The following TSPAN2 variants were observed in gnomAD, a reference collection of about 807,000 sequenced individuals.
TSPAN2 encodes tetraspanin-2.
Under a neutral mutation model 33.3 loss-of-function variants are expected in TSPAN2, and 24 were observed. The observed-to-expected ratio is 0.72, with a 90% CI of 0.52 to 1.01. The LOEUF is 1.01. TSPAN2 is among the 50% of genes least tolerant of loss of function. TSPAN2 has a pLI of 0.00. For missense variants in TSPAN2, 278 were observed against 281.3 expected, an observed-to-expected ratio of 0.99 and a Z score of 0.08; for synonymous variants, 114 against 104.5, an observed-to-expected ratio of 1.09 and a Z score of -0.56.
intron 6 of TSPAN2, among the ~76,000 whole-genome samples, chr1:115,054,370 T>C (rs1416170858): frequency 6.6e-6 from 1 of 152,206 alleles, no homozygotes; most frequent in Non-Finnish European, 1.5e-5. Flanking sequence ...CATTAGTCAC[T>C]GGAAGAGGGG....
In TSPAN2 at chr1:115,081,159, A is replaced by G. The variant is rs142167404; in HGVS notation, c.70-8152T>C. 1.4e-4 allele frequency among the ~76,000 whole-genome samples: 21 copies of G among 152,358 alleles called. No homozygotes were observed. In the East Asian group the frequency reaches 4.1e-3, roughly 29 times the overall value. On this transcript the variant is annotated intron_variant, in intron 1 of 7. Coordinates refer to ENST00000369516, the MANE Select transcript of TSPAN2 (RefSeq NM_005725.6). ...AATCTAGCAGAAATTGTGAAAGTCTAGCTTGGTGCTCTATAGAGATTTTTC... is the reference window on the plus strand; with the variant it reads ...AATCTAGCAGAAATTGTGAAAGTCTGGCTTGGTGCTCTATAGAGATTTTTC...
intron 7 of TSPAN2, among the ~76,000 whole-genome samples, chr1:115,052,270 G>T (rs140690982): frequency 3.3e-5 from 5 of 152,296 alleles, no homozygotes; most frequent in Middle Eastern, 3.4e-3. Context: ...GAAGGCGCTT[G>T]TGTGTCCCCT....
intron 2 of TSPAN2, among the ~76,000 whole-genome samples, chr1:115,063,932 T>A (rs1367038885): frequency 6.6e-6 from 1 of 152,110 alleles, no homozygotes; most frequent in African/African-American, 2.4e-5. Flanking sequence ...AAAAACTAAC[T>A]ATTGGATACT....
chr1:115,075,618 A>C (rs1648374309), intron 1 of TSPAN2, among the ~76,000 whole-genome samples: 1 of 152,182 alleles, frequency 6.6e-6, no homozygotes, highest in Admixed American at 6.5e-5. Flanking sequence ...GAACAAAGTG[A>C]GCATGTCAGT....
rs1255315617 is a variant in TSPAN2, at chr1:115,060,491, T to G, written c.318A>C (p.Gly106=). 12 of 1,613,548 alleles carry G rather than the reference T, an allele frequency of 7.4e-6. No homozygotes were observed. Among genetic ancestry groups the G allele is most frequent in the Non-Finnish European group, 1.0e-5 (12 of 1,179,742 alleles). ...CCCCCTTGCCTATAAAAGCAAATAC[T>G]CCAGTGGTTACTTCAGCAGCAAATA... The part of the protein sequence containing the change: ...LVIFAAEVTT[G]VFAFIGKGVA... The change falls in exon 4 of 8, where the codon GGA becomes GGC. Residue 106 remains glycine (G), a synonymous_variant. Transcript: ENST00000369516.
intron 1 of TSPAN2, among the ~76,000 whole-genome samples, chr1:115,078,324 C>T (rs1648495526): frequency 6.6e-6 from 1 of 152,148 alleles, no homozygotes; most frequent in Non-Finnish European, 1.5e-5. Context: ...TGCTGTTTCC[C>T]AAACATAATC....
At chr1:115,078,060 C>T (rs867358501) in intron 1 of TSPAN2, among the ~76,000 whole-genome samples, 7 of 152,326 alleles carry the variant, frequency 4.6e-5, no homozygotes, top group African/African-American at 1.4e-4. Context: ...AAACACAGGT[C>T]CTGGCCCTCA....
intron 6 of TSPAN2, among the ~76,000 whole-genome samples, chr1:115,055,328 A>ATT (rs11448025): frequency 0.042 from 6,216 of 149,158 alleles, 227 homozygotes; most frequent in Admixed American, 0.056. Flanking sequence ...TGGAAAAGAG[A>ATT]TTTTTTTTTT....
chr1:115,064,884 G>A (rs1451077076), intron 2 of TSPAN2, among the ~76,000 whole-genome samples: 1 of 152,208 alleles, frequency 6.6e-6, no homozygotes, highest in East Asian at 1.9e-4. Flanking sequence ...GGGGCACAGA[G>A]GTTTGAGGAG....
At position 115,049,250 on chromosome 1, in the gene TSPAN2, T is replaced by C. The variant is rs1267087059; in HGVS notation, c.*1240A>G. 6.6e-6 allele frequency: 1 copy of C among 152,384 alleles called. No homozygotes were observed. The highest frequency in any genetic ancestry group is 6.5e-5 in the Admixed American group (1 of 15,274). The allele number at this position is 152,384 out of a possible 1,614,324, so 9.4% of individuals were successfully genotyped here. ...GAAAATTTTATTTTCACAGGGGATT[T>C]GCATAAAAAGAACATTATTTTTGTT... On this transcript the variant is annotated 3_prime_UTR_variant, in exon 8 of 8. Transcript: ENST00000369516.
intron 6 of TSPAN2, among the ~76,000 whole-genome samples, chr1:115,055,681 G>C (rs953920135): frequency 1.3e-5 from 2 of 151,982 alleles, no homozygotes; most frequent in African/African-American, 4.8e-5. Flanking sequence ...ATGCCACCAC[G>C]CCTGGCTAAT....
chr1:115,065,982 A>G (rs1647936124), intron 2 of TSPAN2, among the ~76,000 whole-genome samples: 2 of 152,146 alleles, frequency 1.3e-5, no homozygotes. Context: ...TTCCCACATG[A>G]GTGAGATCAT....
chr1:115,063,933 A>G (rs1647836159), intron 2 of TSPAN2, among the ~76,000 whole-genome samples: 1 of 152,128 alleles, frequency 6.6e-6, no homozygotes, highest in African/African-American at 2.4e-5. Context: ...AAAACTAACT[A>G]TTGGATACTA....
intron 2 of TSPAN2, among the ~76,000 whole-genome samples, chr1:115,068,181 A>G (rs927978628): frequency 6.6e-6 from 1 of 152,100 alleles, no homozygotes; most frequent in Non-Finnish European, 1.5e-5. Flanking sequence ...CAGTCTGACT[A>G]TCCTCTCGCC....
At chr1:115,087,012 C>G (rs533221643) in intron 1 of TSPAN2, among the ~76,000 whole-genome samples, 2 of 152,020 alleles carry the variant, frequency 1.3e-5, no homozygotes, top group Non-Finnish European at 2.9e-5. Flanking sequence ...CTCTGCCTCC[C>G]GGGTTCAAGA....
chr1:115,078,080 G>T (rs1648488416), intron 1 of TSPAN2, among the ~76,000 whole-genome samples: 1 of 152,210 alleles, frequency 6.6e-6, no homozygotes, highest in Non-Finnish European at 1.5e-5. Context: ...AGATGCTCCA[G>T]CTACAGTTTC....
At chr1:115,071,142 C>T (rs781088682) in intron 2 of TSPAN2, among the ~76,000 whole-genome samples, 3 of 152,138 alleles carry the variant, frequency 2.0e-5, no homozygotes, top group Admixed American at 6.5e-5. Flanking sequence ...GCCCAGGCCC[C>T]TCCCCAGGCC....
intron 7 of TSPAN2, among the ~76,000 whole-genome samples, chr1:115,051,101 G>A (rs1675301873): frequency 6.6e-6 from 1 of 152,140 alleles, no homozygotes; most frequent in Admixed American, 6.5e-5. Context: ...CTTGAGCTCA[G>A]GAGTTCTAGA....
chr1:115,078,807 G>A (rs867296903), intron 1 of TSPAN2, among the ~76,000 whole-genome samples: 5 of 152,178 alleles, frequency 3.3e-5, no homozygotes, highest in African/African-American at 7.2e-5. Flanking sequence ...AGGCTGACAG[G>A]AGCAATTGCG....
Sources: gnomAD v4.1 joint callset for allele counts (sites outside exome capture counted in the v4.1 genomes callset) on GRCh38, gnomAD v4.1.1 for gene constraint, MANE v1.5 for transcripts, NCBI Gene and HGNC (gene_info 2026-07-23, HGNC 2026-07-21) for gene names.